The following C12orf50 variants were observed in gnomAD, a reference collection of about 807,000 sequenced individuals.
C12orf50 encodes uncharacterized protein C12orf50.
In C12orf50, 35 loss-of-function variants were observed where a neutral mutation model predicts 61.6. That is an observed-to-expected ratio of 0.57 (90% CI 0.43 to 0.75). The LOEUF (loss-of-function observed/expected upper bound fraction) is 0.75. Ranked by LOEUF, C12orf50 falls within the 30% of genes least tolerant of loss-of-function variation. The pLI is 0.00. For synonymous variants in C12orf50, 178 were observed against 161.5 expected, an observed-to-expected ratio of 1.10 and a Z score of -0.77; for missense variants, 475 against 488.5, an observed-to-expected ratio of 0.97 and a Z score of 0.26.
intron 3 of C12orf50, among the ~76,000 whole-genome samples, chr12:88,002,670 T>C (rs1038660182): frequency 2.0e-5 from 3 of 151,804 alleles, no homozygotes; most frequent in Non-Finnish European, 4.4e-5. Context: ...TGCCTTTTGA[T>C]TGAATTTTTT....
chr12:88,007,632 T>C (rs1237450767), intron 3 of C12orf50, among the ~76,000 whole-genome samples: 1 of 152,214 alleles, frequency 6.6e-6, no homozygotes, highest in East Asian at 1.9e-4. Flanking sequence ...AAGCCTCTTT[T>C]ATGAAGGCCT....
intron 1 of C12orf50, chr12:88,027,954 T>C (rs2032767451): frequency 6.6e-6 from 1 of 152,156 alleles, no homozygotes; most frequent in Admixed American, 6.6e-5. Context: ...GGTTTTCAAG[T>C]CAATAAACTG....
chr12:88,001,735 A>T (rs554400856), intron 3 of C12orf50, among the ~76,000 whole-genome samples: 1 of 151,486 alleles, frequency 6.6e-6, no homozygotes, highest in Admixed American at 6.6e-5. Context: ...GTGTCTTTCT[A>T]GAAATTTGTC....
At chr12:88,009,277 A>G (rs772550996) in intron 3 of C12orf50, among the ~76,000 whole-genome samples, 14 of 152,084 alleles carry the variant, frequency 9.2e-5, no homozygotes, top group African/African-American at 3.1e-4. Context: ...TACAGTGCAC[A>G]ATAATTCCTA....
chr12:88,029,795 T>C (rs2032830969), upstream of C12orf50, among the ~76,000 whole-genome samples: 1 of 152,156 alleles, frequency 6.6e-6, no homozygotes, highest in Non-Finnish European at 1.5e-5. Flanking sequence ...CTACTATCCA[T>C]TGATTTGGGA....
At chr12:88,000,248 A>G (rs925922682) in intron 3 of C12orf50, among the ~76,000 whole-genome samples, 1 of 152,078 alleles carries the variant, frequency 6.6e-6, no homozygotes, top group Non-Finnish European at 1.5e-5. Flanking sequence ...GCATGTGACT[A>G]TCTAGTTGTC....
intron 3 of C12orf50, among the ~76,000 whole-genome samples, chr12:88,017,851 G>C (rs2032369129): frequency 6.6e-6 from 1 of 152,162 alleles, no homozygotes. Flanking sequence ...GAATTTAAGA[G>C]AGATAATTTA....
Position 87,983,164 on chromosome 12 carries a change from T to G in C12orf50, c.1158A>C (p.Ser386=). 6.2e-7 allele frequency: 1 copy of G among 1,604,788 alleles called. No homozygotes were observed. Among genetic ancestry groups the G allele is most frequent in the Non-Finnish European group, 8.5e-7 (1 of 1,174,084 alleles). ...AAAAAGGAATTCGTTTTCGCCAGGC[T>G]GAATCATTATATGATGTTGACGTAT... ...DKYTSTSYND[S]AWRKRIPFSK... The change falls in exon 12 of 13, where the codon TCA becomes TCC. Residue 386 remains serine (S), a synonymous_variant. Coordinates refer to ENST00000298699, the MANE Select transcript of C12orf50 (RefSeq NM_152589.3).
chr12:88,023,245 T>TTA (rs1565762677), intron 3 of C12orf50, among the ~76,000 whole-genome samples: 1 of 151,866 alleles, frequency 6.6e-6, no homozygotes, highest in African/African-American at 2.4e-5. Context: ...GTGACAAAAA[T>TTA]AAGAAACAGG....
chr12:87,983,719 C>T (rs1303621543), intron 11 of C12orf50: 3 of 149,714 alleles, frequency 2.0e-5, no homozygotes, highest in African/African-American at 2.4e-5. Context: ...AGGACATGAA[C>T]TCATCATTTT....
At chr12:88,009,985 TC>T (rs1381994275) in intron 3 of C12orf50, among the ~76,000 whole-genome samples, 1 of 152,100 alleles carries the variant, frequency 6.6e-6, no homozygotes, top group East Asian at 1.9e-4. Context: ...TTGATTTGTA[TC>T]TATTGTGTGA....
intron 3 of C12orf50, among the ~76,000 whole-genome samples, chr12:88,004,251 T>G (rs529461833): frequency 1.3e-5 from 2 of 152,278 alleles, no homozygotes; most frequent in East Asian, 3.9e-4. Flanking sequence ...TCATGAACAC[T>G]TTTCAAAAGA....
intron 3 of C12orf50, among the ~76,000 whole-genome samples, chr12:88,000,217 G>A (rs953564468): frequency 1.3e-5 from 2 of 152,002 alleles, no homozygotes; most frequent in Non-Finnish European, 2.9e-5. Flanking sequence ...ATGTGATGCA[G>A]TTGTGCTACT....
At chr12:88,017,804 AG>A (rs1359538836) in intron 3 of C12orf50, among the ~76,000 whole-genome samples, 1 of 152,232 alleles carries the variant, frequency 6.6e-6, no homozygotes, top group African/African-American at 2.4e-5. Context: ...AGAGACTGGC[AG>A]CACTTTGCCC....
At position 87,999,564 on chromosome 12, in the gene C12orf50, G is replaced by A. The variant is rs532422467; in HGVS notation, c.134-1374C>T. Among the ~76,000 whole-genome samples the A allele has an allele frequency of 4.6e-5, 7 of 152,320 alleles. No individual in the cohort carries two copies. The South Asian group carries it at 8.3e-4, about 18-fold the overall frequency. On this transcript the variant is annotated intron_variant, in intron 3 of 12. Transcript: ENST00000298699. ...GAAACTAGAATCTTTGTACACTGCA[G>A]TTGGGAATGAAAAATGCTGCAGCTA...
intron 1 of C12orf50, 163 bp downstream of exon 1, chr12:88,029,177 A>C: frequency 8.4e-6 from 9 of 1,068,120 alleles, no homozygotes; most frequent in Non-Finnish European, 1.1e-5. Context: ...ATATATATGA[A>C]TTTCAGGAAT....
At position 87,985,856 on chromosome 12, in the gene C12orf50, T is replaced by A. The variant is rs949712154; in HGVS notation, c.1120A>T (p.Ser374Cys). The change falls in exon 11 of 13, where the codon AGT becomes TGT. Residue 374 changes from serine (S) to cysteine (C), a missense_variant. By Grantham distance (112) the Ser-to-Cys change is moderately radical. Transcript: ENST00000298699. Reference sequence around the variant, plus strand: ...CATCAACAAAGGACCTCACCTGGACTGAGGTTGGGTTTGGGTTCCCTGTTA... The same window carrying A: ...CATCAACAAAGGACCTCACCTGGACAGAGGTTGGGTTTGGGTTCCCTGTTA... ...HANREPKPNL[S>C]PDKYTSTSYN... 1 of 1,612,584 alleles carries A rather than the reference T, an allele frequency of 6.2e-7. No individual in the cohort carries two copies. The highest frequency in any genetic ancestry group is 8.5e-7 in the Non-Finnish European group (1 of 1,179,752).
intron 10 of C12orf50, 59 bp from the exon 11 acceptor site, chr12:87,986,112 T>A (rs1390118741): frequency 6.5e-7 from 1 of 1,532,220 alleles, no homozygotes; most frequent in African/African-American, 1.4e-5. Context: ...CACCCATAAA[T>A]AACATATTGC....
At chr12:87,997,175 T>C (rs1044958871) in intron 4 of C12orf50, among the ~76,000 whole-genome samples, 3 of 152,166 alleles carry the variant, frequency 2.0e-5, no homozygotes, top group African/African-American at 2.4e-5. Flanking sequence ...CTAAGCCTGT[T>C]CATACTCTTG....
Sources: allele counts gnomAD v4.1 joint callset (sites outside exome capture counted in the v4.1 genomes callset), GRCh38; gene constraint gnomAD v4.1.1; transcripts MANE v1.5; gene names NCBI Gene and HGNC (gene_info 2026-07-23, HGNC 2026-07-21).